The following CDC42SE2 variants were observed in gnomAD, a reference collection of about 807,000 sequenced individuals.
The protein encoded by CDC42SE2 is CDC42 small effector protein 2.
Under a neutral mutation model 11.5 loss-of-function variants are expected in CDC42SE2, and 3 were observed. That is an observed-to-expected ratio of 0.26 (90% CI 0.12 to 0.67). CDC42SE2 has a LOEUF of 0.67. Among genes scored for constraint, CDC42SE2 ranks in the 30% least tolerant of loss-of-function variants. The pLI is 0.80. For missense variants in CDC42SE2, 82 were observed against 106.8 expected, an observed-to-expected ratio of 0.77 and a Z score of 1.02; for synonymous variants, 33 against 34.8, an observed-to-expected ratio of 0.95 and a Z score of 0.18.
chr5:131,336,185 A>C (rs1397670422), intron 2 of CDC42SE2, among the ~76,000 whole-genome samples: 1 of 152,168 alleles, frequency 6.6e-6, no homozygotes, highest in East Asian at 1.9e-4. Context: ...ATCTCTCAGC[A>C]TTTGCTTGTC....
intron 3 of CDC42SE2, among the ~76,000 whole-genome samples, chr5:131,372,443 G>C (rs1750036381): frequency 6.6e-6 from 1 of 152,108 alleles, no homozygotes; most frequent in South Asian, 2.1e-4. Flanking sequence ...GGGCGCGGTG[G>C]TGGCTCACGC....
chr5:131,344,423 G>A (rs901126299), intron 2 of CDC42SE2, among the ~76,000 whole-genome samples: 2 of 152,180 alleles, frequency 1.3e-5, no homozygotes, highest in Admixed American at 6.6e-5. Context: ...GTCTGAGATC[G>A]AACTGCAAGG....
At chr5:131,240,914 T>G (rs1000913135), upstream of CDC42SE2, among the ~76,000 whole-genome samples, 1 of 152,162 alleles carries the variant, frequency 6.6e-6, no homozygotes, top group Non-Finnish European at 1.5e-5. Context: ...GTGGATAACT[T>G]TAGTTTCCTG....
chr5:131,352,958 T>C (rs889779120), intron 2 of CDC42SE2, among the ~76,000 whole-genome samples: 2 of 152,118 alleles, frequency 1.3e-5, no homozygotes, highest in East Asian at 3.9e-4. Flanking sequence ...TTCATTATTA[T>C]CAACTGCTCA....
intron 1 of CDC42SE2, among the ~76,000 whole-genome samples, chr5:131,312,413 A>T (rs374130436): frequency 1.3e-5 from 2 of 152,122 alleles, no homozygotes; most frequent in East Asian, 3.9e-4. Context: ...GCCCTGCCCC[A>T]AGAGGTGGAG....
upstream of CDC42SE2, among the ~76,000 whole-genome samples, chr5:131,260,370 C>T (rs565654506): frequency 9.8e-5 from 15 of 152,300 alleles, no homozygotes; most frequent in East Asian, 2.9e-3. Context: ...CGCCTGTAAT[C>T]CCAGCGCTTT....
At chr5:131,212,887 G>A in the CDC42SE2 span, among the ~76,000 whole-genome samples, 1 of 151,926 alleles carries the variant, frequency 6.6e-6, no homozygotes, top group Non-Finnish European at 1.5e-5. Context: ...CCAGCACATT[G>A]TATAAAAAAA....
At chr5:131,362,484 C>A (rs182203967) in intron 3 of CDC42SE2, among the ~76,000 whole-genome samples, 1 of 152,134 alleles carries the variant, frequency 6.6e-6, no homozygotes, top group South Asian at 2.1e-4. Context: ...ACTGCCTTAT[C>A]TTAAAGCTGC....
chr5:131,218,590 T>A, the CDC42SE2 span, among the ~76,000 whole-genome samples: 1 of 151,752 alleles, frequency 6.6e-6, no homozygotes, highest in Non-Finnish European at 1.5e-5. Context: ...CGTTACTATT[T>A]GTATTAGCCC....
chr5:131,381,486 C>T (rs1750325462), intron 3 of CDC42SE2, among the ~76,000 whole-genome samples: 1 of 152,130 alleles, frequency 6.6e-6, no homozygotes, highest in Non-Finnish European at 1.5e-5. Flanking sequence ...CCACGCCTGG[C>T]TAATTTTTGT....
chr5:131,248,133 T>A (rs1756610965), intron 1 of CDC42SE2, among the ~76,000 whole-genome samples: 1 of 151,642 alleles, frequency 6.6e-6, no homozygotes, highest in Non-Finnish European at 1.5e-5. Context: ...CATTCCTTTT[T>A]TTTATTTTTT....
chr5:131,326,295 G>A (rs1486606441), intron 2 of CDC42SE2, among the ~76,000 whole-genome samples: 1 of 152,002 alleles, frequency 6.6e-6, no homozygotes, highest in Non-Finnish European at 1.5e-5. Context: ...AATAGAGACG[G>A]GGTTTCACTG....
chr5:131,359,371 G>A lies in CDC42SE2; in HGVS notation c.-123G>A, dbSNP rs1749643565. On this transcript the variant is annotated 5_prime_UTR_variant, in exon 3 of 5. The change creates a new upstream start codon in the 5' untranslated region. Coordinates refer to ENST00000505065, the MANE Select transcript of CDC42SE2 (RefSeq NM_001375635.1). ...CTTGACTTCCAGGAACAAAAACACGGTGAAATAATAAAATTTCATCTTGGC... is the reference window on the plus strand; with the variant it reads ...CTTGACTTCCAGGAACAAAAACACGATGAAATAATAAAATTTCATCTTGGC... 7.6e-6 allele frequency: 6 copies of A among 790,550 alleles called. No homozygotes were observed. The highest frequency in any genetic ancestry group is 1.4e-5 in the Non-Finnish European group (6 of 440,976). The allele number at this position is 790,550 out of a possible 1,614,324, so 49.0% of individuals were successfully genotyped here.
At chr5:131,247,930 C>T (rs902987044) in intron 1 of CDC42SE2, among the ~76,000 whole-genome samples, 3 of 152,020 alleles carry the variant, frequency 2.0e-5, no homozygotes, top group African/African-American at 7.2e-5. Flanking sequence ...CATGAGCCAC[C>T]ATGCCCAGCC....
chr5:131,216,956 T>C, the CDC42SE2 span, among the ~76,000 whole-genome samples: 1 of 152,146 alleles, frequency 6.6e-6, no homozygotes, highest in Non-Finnish European at 1.5e-5. Flanking sequence ...CCAAGGTAGC[T>C]TAGACTGGGT....
Position 131,394,393 on chromosome 5 carries a change from G to A in CDC42SE2, c.*3302G>A, listed in dbSNP as rs936929920. 3 of 152,328 alleles carry A rather than the reference G, an allele frequency of 2.0e-5. No individual in the cohort carries two copies. In the East Asian group the frequency reaches 5.6e-4, roughly 29 times the overall value. 9.4% of individuals were successfully genotyped at this position (152,328 alleles called of 1,614,324 possible). A position where few individuals can be genotyped will look rare whatever the true frequency, so the allele number is the denominator to read the frequency against. On this transcript the variant is annotated 3_prime_UTR_variant, in exon 5 of 5. Coordinates refer to ENST00000505065, the MANE Select transcript of CDC42SE2 (RefSeq NM_001375635.1). ...CATTGGGTTTAGCATTTCCAGTGCA[G>A]CATTATCAGTGGGCCTTTAAAAATA... is the stretch of plus-strand genomic sequence containing the variant.
At chr5:131,384,623 T>A (rs1246578474) in intron 3 of CDC42SE2, among the ~76,000 whole-genome samples, 1 of 152,074 alleles carries the variant, frequency 6.6e-6, no homozygotes, top group Non-Finnish European at 1.5e-5. Flanking sequence ...TCTAAGATAA[T>A]CTTCATATCT....
the CDC42SE2 span, among the ~76,000 whole-genome samples, chr5:131,215,443 C>T: frequency 1.3e-5 from 2 of 152,218 alleles, no homozygotes; most frequent in African/African-American, 4.8e-5. Flanking sequence ...ACAGAACCAT[C>T]TGGAATGCTA....
At chr5:131,319,354 G>T (rs558940686) in intron 2 of CDC42SE2, among the ~76,000 whole-genome samples, 33 of 152,270 alleles carry the variant, frequency 2.2e-4, no homozygotes, top group African/African-American at 7.7e-4. Flanking sequence ...TAGGGCCATA[G>T]AAAGTAGTTT....
Sources: gnomAD v4.1 joint callset for allele counts (sites outside exome capture counted in the v4.1 genomes callset) on GRCh38, gnomAD v4.1.1 for gene constraint, MANE v1.5 for transcripts, NCBI Gene and HGNC (gene_info 2026-07-23, HGNC 2026-07-21) for gene names.